Variants in PDE8A observed in about 807,000 individuals in gnomAD.
PDE8A encodes phosphodiesterase 8A.
In PDE8A, 59 loss-of-function variants were observed where a neutral mutation model predicts 105.0. That is an observed-to-expected ratio of 0.56 (90% CI 0.46 to 0.70). PDE8A has a LOEUF of 0.70. Ranked by LOEUF, PDE8A falls within the 30% of genes least tolerant of loss-of-function variation. The pLI, the probability that PDE8A is intolerant of heterozygous loss-of-function variation, is 0.00. For synonymous variants in PDE8A, 355 were observed against 371.9 expected (o/e 0.95, Z 0.52); for missense variants, 1,014 against 1,045.9 (o/e 0.97, Z 0.42).
intron 1 of PDE8A, among the ~76,000 whole-genome samples, chr15:85,010,436 T>C (rs2080221125): frequency 6.6e-6 from 1 of 152,212 alleles, no homozygotes; most frequent in African/African-American, 2.4e-5. Flanking sequence ...GGAAACCTTA[T>C]CTGATAAGCT....
chr15:85,054,776 G>C (rs898191661), intron 1 of PDE8A, among the ~76,000 whole-genome samples: 3 of 152,116 alleles, frequency 2.0e-5, no homozygotes, highest in African/African-American at 7.2e-5. Context: ...TGGATTCATT[G>C]ATTTTTTGAA....
chr15:84,991,340 C>G (rs2142152850), intron 1 of PDE8A, among the ~76,000 whole-genome samples: 1 of 152,284 alleles, frequency 6.6e-6, no homozygotes, highest in African/African-American at 2.4e-5. Flanking sequence ...GGGACAGGCA[C>G]AGCACTAAGA....
intron 20 of PDE8A, among the ~76,000 whole-genome samples, chr15:85,131,166 A>G (rs902745890): frequency 7.2e-5 from 11 of 152,180 alleles, no homozygotes; most frequent in Non-Finnish European, 1.3e-4. Flanking sequence ...CATTTTCAAC[A>G]TATGTATGTC....
intron 1 of PDE8A, among the ~76,000 whole-genome samples, chr15:85,015,071 T>C (rs564096454): frequency 5.9e-4 from 90 of 152,342 alleles, no homozygotes; most frequent in South Asian, 1.2e-3. Flanking sequence ...CATAATGTTT[T>C]CAAGGTTCAT....
intron 1 of PDE8A, among the ~76,000 whole-genome samples, chr15:85,039,027 A>G (rs35668265): frequency 0.14 from 21,186 of 151,970 alleles, 1,908 homozygotes; most frequent in Middle Eastern, 0.24. Context: ...AGGCTGAGGC[A>G]GGAGAATTGC....
intron 1 of PDE8A, among the ~76,000 whole-genome samples, chr15:85,044,547 A>G (rs1455412991): frequency 6.6e-6 from 1 of 152,240 alleles, no homozygotes; most frequent in Non-Finnish European, 1.5e-5. Flanking sequence ...CCATGCCACA[A>G]TGATAGAAAA....
chr15:84,982,076 G>C lies in PDE8A; in HGVS notation c.-87G>C. On this transcript the variant is annotated 5_prime_UTR_variant, in exon 1 of 22. Coordinates refer to ENST00000394553, the MANE Select transcript of PDE8A (RefSeq NM_002605.3). The stretch of plus-strand genomic sequence containing the variant: ...CCCGCCCAGGCGGCGATGACACGGC[G>C]CCCGCGGCGGCCCGGAGGCGCCGGG... 1.2e-6 allele frequency: 1 copy of C among 836,734 alleles called. No individual in the cohort carries two copies. The highest frequency in any genetic ancestry group is 4.0e-5 in the East Asian group (1 of 25,230). The allele number at this position is 836,734 out of a possible 1,614,324, so 51.8% of individuals were successfully genotyped here.
chr15:85,109,386 A>G (rs1246020040), intron 12 of PDE8A, among the ~76,000 whole-genome samples: 2 of 152,252 alleles, frequency 1.3e-5, no homozygotes, highest in Non-Finnish European at 2.9e-5. Context: ...TTGCTTTTCT[A>G]AACTGTAACA....
chr15:85,122,690 A>G (rs538167061), intron 18 of PDE8A, among the ~76,000 whole-genome samples: 21 of 152,354 alleles, frequency 1.4e-4, no homozygotes, highest in African/African-American at 5.0e-4. Context: ...AGTACTCCCT[A>G]TGATTTCGCA....
At chr15:85,136,124 A>G (rs1596554054) in intron 20 of PDE8A, among the ~76,000 whole-genome samples, 1 of 152,174 alleles carries the variant, frequency 6.6e-6, no homozygotes. Context: ...CTCACTCCCC[A>G]CCCTGACCTA....
At chr15:85,009,340 T>G (rs918004490) in intron 1 of PDE8A, among the ~76,000 whole-genome samples, 1 of 152,200 alleles carries the variant, frequency 6.6e-6, no homozygotes, top group African/African-American at 2.4e-5. Flanking sequence ...CCTTTTGGAC[T>G]GTAGGTAATA....
At chr15:85,093,238 T>C (rs1202562095) in intron 8 of PDE8A, among the ~76,000 whole-genome samples, 1 of 152,212 alleles carries the variant, frequency 6.6e-6, no homozygotes, top group Admixed American at 6.5e-5. Flanking sequence ...CCTGGGTATT[T>C]GTTTCGTTTT....
chr15:85,041,647 A>G (rs900300316), intron 1 of PDE8A, among the ~76,000 whole-genome samples: 13 of 152,292 alleles, frequency 8.5e-5, no homozygotes, highest in African/African-American at 3.1e-4. Context: ...TAAACACCAG[A>G]CAACTTCTGG....
At chr15:85,033,691 C>A (rs962473317) in intron 1 of PDE8A, among the ~76,000 whole-genome samples, 4 of 151,946 alleles carry the variant, frequency 2.6e-5, no homozygotes, top group African/African-American at 9.7e-5. Context: ...ATGGTGAAAC[C>A]CCGTCTCTAC....
rs1020019709 is a variant in PDE8A at position 85,075,527 on chromosome 15, C to T, written c.435-335C>T. Among the ~76,000 whole-genome samples the T allele has an allele frequency of 4.6e-5, 7 of 152,204 alleles. No homozygotes were observed. In the East Asian group the frequency reaches 1.3e-3, roughly 29 times the overall value. On this transcript the variant is annotated intron_variant, in intron 3 of 21. Coordinates refer to ENST00000394553, the MANE Select transcript of PDE8A (RefSeq NM_002605.3). ...ATTTTCCTTTGGAAGAAGAGACCAACGGCTTCTTTCATGTAAGCACAAAGC... is the reference window on the plus strand; with the variant it reads ...ATTTTCCTTTGGAAGAAGAGACCAATGGCTTCTTTCATGTAAGCACAAAGC...
In PDE8A at chr15:85,110,268, G is replaced by A. The variant is rs367720078; in HGVS notation, c.1114+1138G>A. On this transcript the variant is annotated intron_variant, in intron 12 of 21. Coordinates refer to ENST00000394553, the MANE Select transcript of PDE8A (RefSeq NM_002605.3). The stretch of plus-strand genomic sequence containing the variant: ...CACTCACCACATGCTAATGTTTGTT[G>A]ATCCTTTGGATTCCTTGGTATATTT... Among the ~76,000 whole-genome samples, 7 of 152,126 alleles carry A rather than the reference G, an allele frequency of 4.6e-5. No individual in the cohort carries two copies. In the East Asian group the frequency reaches 9.6e-4, roughly 21 times the overall value.
At chr15:85,016,835 G>A (rs1320422969) in intron 1 of PDE8A, among the ~76,000 whole-genome samples, 2 of 151,790 alleles carry the variant, frequency 1.3e-5, no homozygotes, top group African/African-American at 4.8e-5. Flanking sequence ...TTTTTTGGGA[G>A]TGTTTTTATG....
In PDE8A at chr15:85,100,175, G is replaced by A; in HGVS notation, c.1013G>A (p.Cys338Tyr). The A allele has an allele frequency of 1.9e-6, 3 of 1,613,866 alleles. No individual in the cohort carries two copies. Among genetic ancestry groups the A allele is most frequent in the Non-Finnish European group, 1.7e-6 (2 of 1,179,730 alleles). The change falls in exon 11 of 22, where the codon TGT becomes TAT. Residue 338 changes from cysteine (C) to tyrosine (Y), a missense_variant. Transcript: ENST00000394553. The stretch of plus-strand genomic sequence containing the variant: ...TTTTAGGCTGAGAAAATATCCGAAT[G>A]TGTTCAGTCTGACACTCATACAGGT... The part of the protein sequence containing the change: ...GNNKAEKISE[C>Y]VQSDTHTDNQ...
At chr15:85,038,068 AC>A in intron 1 of PDE8A, among the ~76,000 whole-genome samples, 1 of 152,348 alleles carries the variant, frequency 6.6e-6, no homozygotes, top group African/African-American at 2.4e-5. Flanking sequence ...CTGCTGACAT[AC>A]ATTTTAATAA....
Sources: gnomAD v4.1 joint callset for allele counts (sites outside exome capture counted in the v4.1 genomes callset) on GRCh38, gnomAD v4.1.1 for gene constraint, MANE v1.5 for transcripts, NCBI Gene and HGNC (gene_info 2026-07-23, HGNC 2026-07-21) for gene names.